Variants in SLC9A8 observed in about 807,000 individuals in gnomAD.
SLC9A8 encodes the protein sodium/hydrogen exchanger 8.
A neutral mutation model predicts 66.6 loss-of-function variants in SLC9A8; 48 were observed. The observed-to-expected ratio is 0.72, with a 90% CI of 0.57 to 0.92. The LOEUF (loss-of-function observed/expected upper bound fraction) is 0.92. SLC9A8 is among the 40% of genes least tolerant of loss of function. The pLI, the probability that SLC9A8 is intolerant of heterozygous loss-of-function variation, is 0.00. For synonymous variants in SLC9A8, 274 were observed against 282.6 expected (o/e 0.97, Z 0.31); for missense variants, 599 against 747.3 (o/e 0.80, Z 2.31).
chr20:49,855,643 A>G (rs750901385), intron 8 of SLC9A8, 62 bp downstream of exon 8: 420 of 1,512,282 alleles, frequency 2.8e-4, no homozygotes, highest in Non-Finnish European at 3.5e-4. Flanking sequence ...CCTTGTAACA[A>G]AGGGGCAGAT....
chr20:49,835,647 A>G (rs915735468), intron 3 of SLC9A8, among the ~76,000 whole-genome samples: 11 of 120,280 alleles, frequency 9.1e-5, no homozygotes, highest in Admixed American at 5.6e-4. Flanking sequence ...CAACAGCTTT[A>G]TTGAGATGTA....
At chr20:49,866,196 G>A (rs2088957134) in intron 10 of SLC9A8, among the ~76,000 whole-genome samples, 1 of 152,168 alleles carries the variant, frequency 6.6e-6, no homozygotes, top group Non-Finnish European at 1.5e-5. Flanking sequence ...GTGGTACGTA[G>A]TCTTTTGTGT....
At chr20:49,853,816 C>T (rs1296145747) in intron 7 of SLC9A8, among the ~76,000 whole-genome samples, 4 of 152,218 alleles carry the variant, frequency 2.6e-5, no homozygotes, top group Non-Finnish European at 2.9e-5. Flanking sequence ...GAATCCTCAG[C>T]CTGGGATCCG....
At chr20:49,815,922 C>T (rs1568781533) in intron 2 of SLC9A8, among the ~76,000 whole-genome samples, 1 of 152,034 alleles carries the variant, frequency 6.6e-6, no homozygotes, top group Non-Finnish European at 1.5e-5. Context: ...ATTTTGTGTT[C>T]ATATTTATTT....
intron 3 of SLC9A8, among the ~76,000 whole-genome samples, chr20:49,834,793 G>A (rs953104743): frequency 2.6e-5 from 4 of 152,056 alleles, no homozygotes; most frequent in Non-Finnish European, 5.9e-5. Flanking sequence ...GATTATAAAC[G>A]AGGTAATCAT....
At chr20:49,869,474 G>A (rs867210293) in intron 10 of SLC9A8, among the ~76,000 whole-genome samples, 7 of 150,940 alleles carry the variant, frequency 4.6e-5, no homozygotes, top group East Asian at 4.0e-4. Context: ...TGTCCGCCTC[G>A]GCCTCCCAAA....
At chr20:49,878,748 G>A (rs536020474) in intron 12 of SLC9A8, among the ~76,000 whole-genome samples, 2 of 152,228 alleles carry the variant, frequency 1.3e-5, no homozygotes, top group South Asian at 2.1e-4. Context: ...GGCTGGGCGC[G>A]GTGGCTCACA....
intron 8 of SLC9A8, among the ~76,000 whole-genome samples, chr20:49,855,796 C>T (rs549563350): frequency 1.3e-5 from 2 of 152,052 alleles, no homozygotes; most frequent in South Asian, 2.1e-4. Context: ...GAGGAGAGTC[C>T]ACCTTTTTTT....
chr20:49,873,771 C>CAAAAAA (rs35613935), intron 10 of SLC9A8, among the ~76,000 whole-genome samples: 7 of 60,226 alleles, frequency 1.2e-4, no homozygotes, highest in East Asian at 5.9e-4. Context: ...AACTCCGTCT[C>CAAAAAA]AAAAAAAAAA....
rs145903123 is a variant in SLC9A8 at position 49,820,726 on chromosome 20, A to G, written c.209-2335A>G. On this transcript the variant is annotated intron_variant, in intron 2 of 15. Transcript: ENST00000361573. ...ACACCCTGCTAATTTTTGTATTTTT[A>G]GTAGAGACGGCGTTTCACCATGTTG... is the stretch of plus-strand genomic sequence containing the variant. 6.4e-3 allele frequency among the ~76,000 whole-genome samples: 968 copies of G among 151,858 alleles called. 5 individuals are homozygous for G. Among genetic ancestry groups the G allele is most frequent in the Middle Eastern group, 0.031 (9 of 294 alleles).
At chr20:49,885,250 G>T (rs1389020998) in intron 14 of SLC9A8, among the ~76,000 whole-genome samples, 1 of 152,188 alleles carries the variant, frequency 6.6e-6, no homozygotes, top group African/African-American at 2.4e-5. Flanking sequence ...ATCGGTGGGG[G>T]GCTTGCTACA....
chr20:49,827,122 A>C (rs2086941634), intron 3 of SLC9A8, among the ~76,000 whole-genome samples: 1 of 151,292 alleles, frequency 6.6e-6, no homozygotes, highest in Non-Finnish European at 1.5e-5. Flanking sequence ...TTGTATTTTT[A>C]GTGGAGACAG....
rs200132126 is a variant in SLC9A8, at chr20:49,823,045, A to AT, written c.209-7dup. 161,251 of 1,544,280 alleles carry AT rather than the reference A, an allele frequency of 0.1. 6,931 individuals carry two copies. Among genetic ancestry groups the AT allele is most frequent in the Non-Finnish European group, 0.11 (129,154 of 1,123,372 alleles). ...AGTGTTTTTTTTAAAACATTGTATT[A>AT]TTTTTTTTTCCACAGCTATCTGCAT... On this transcript the variant is annotated splice_polypyrimidine_tract_variant and intron_variant, in intron 2 of 15. Coordinates refer to ENST00000361573, the MANE Select transcript of SLC9A8 (RefSeq NM_015266.3).
intron 10 of SLC9A8, among the ~76,000 whole-genome samples, chr20:49,868,678 A>G (rs558801191): frequency 6.6e-6 from 1 of 152,310 alleles, no homozygotes; most frequent in East Asian, 1.9e-4. Context: ...TCCACCTCTT[A>G]TTGGCTGTGT....
intron 10 of SLC9A8, among the ~76,000 whole-genome samples, chr20:49,865,317 A>G (rs552871790): frequency 6.6e-6 from 1 of 152,312 alleles, no homozygotes; most frequent in African/African-American, 2.4e-5. Flanking sequence ...ACAGATCATC[A>G]TGAAACCATG....
At chr20:49,817,454 GTTT>G (rs76109874) in intron 2 of SLC9A8, among the ~76,000 whole-genome samples, 1 of 132,200 alleles carries the variant, frequency 7.6e-6, no homozygotes. Flanking sequence ...AGGTGCAACT[GTTT>G]TTTTTTTTTT....
Position 49,887,924 on chromosome 20 carries a change from G to A in SLC9A8, c.1734G>A (p.Gln578=), listed in dbSNP as rs777057744. 1 of 1,613,464 alleles carries A rather than the reference G, an allele frequency of 6.2e-7. No individual in the cohort carries two copies. Among genetic ancestry groups the A allele is most frequent in the African/African-American group, 1.3e-5 (1 of 74,946 alleles). Residue 578 remains glutamine, a synonymous_variant, in exon 16 of 16, where the codon CAG becomes CAA. Transcript: ENST00000361573. ...QGPSGSEDDE[Q]ELL The stretch of plus-strand genomic sequence containing the variant: ...CCTCCGGCTCCGAGGACGACGAGCA[G>A]GAGCTGCTCTGACGCCAGGTGCCAA...
intron 10 of SLC9A8, among the ~76,000 whole-genome samples, chr20:49,870,425 C>T (rs2146704793): frequency 6.6e-6 from 1 of 152,208 alleles, no homozygotes; most frequent in East Asian, 1.9e-4. Flanking sequence ...AGGAGCCAGC[C>T]CAGGGACGCT....
intron 6 of SLC9A8, 121 bp from the exon 7 acceptor site, chr20:49,850,689 G>A: frequency 7.9e-7 from 1 of 1,270,252 alleles, no homozygotes; most frequent in Non-Finnish European, 1.1e-6. Flanking sequence ...AAGTGGTTTG[G>A]GAACTGAAGA....
Sources: gnomAD v4.1 joint callset for allele counts (sites outside exome capture counted in the v4.1 genomes callset) on GRCh38, gnomAD v4.1.1 for gene constraint, MANE v1.5 for transcripts, NCBI Gene and HGNC (gene_info 2026-07-23, HGNC 2026-07-21) for gene names.